DROSHA: variants seen among roughly 807,000 people sequenced by gnomAD.
DROSHA encodes the protein ribonuclease 3.
DROSHA carries 56 observed loss-of-function variants against 181.9 expected under a neutral mutation model. The observed-to-expected ratio is 0.31, with a 90% CI of 0.25 to 0.38. The LOEUF (loss-of-function observed/expected upper bound fraction) is 0.38. DROSHA is among the 10% of genes least tolerant of loss of function. DROSHA has a pLI of 1.00. For missense variants in DROSHA, 1,218 were observed against 1,743.5 expected (o/e 0.70, Z 5.37); for synonymous variants, 524 against 591.2 (o/e 0.89, Z 1.65).
At chr5:31,495,238 C>T in intron 12 of DROSHA, 48 bp downstream of exon 12, 3 of 1,556,454 alleles carry the variant, frequency 1.9e-6, no homozygotes, top group Non-Finnish European at 2.6e-6. Flanking sequence ...TCACATTTTA[C>T]TCTATTTACA....
chr5:31,472,093 G>C lies in DROSHA; in HGVS notation c.2211C>G (p.Cys737Trp). The change falls in exon 17 of 36, where the codon TGC (cysteine) becomes TGG (tryptophan). Residue 737 changes from cysteine (C) to tryptophan (W), a missense_variant. Physicochemically the swap from Cys to Trp is radical, Grantham distance 215. This residue lies in a region of DROSHA where 460 missense variants were observed against 774.2 expected (regional missense o/e 0.59). Transcript: ENST00000344624. The part of the protein sequence containing the change: ...ELEWQKYAEE[C>W]KGMIVTNPGT... The stretch of plus-strand genomic sequence containing the variant: ...CAGGGTTGGTAACAATCATGCCTTT[G>C]CATTCTTCTGCATATTTCTGCCACT... The C allele has an allele frequency of 6.2e-7, 1 of 1,613,842 alleles. No individual in the cohort carries two copies. Among genetic ancestry groups the C allele is most frequent in the Non-Finnish European group, 8.5e-7 (1 of 1,179,822 alleles).
At chr5:31,424,247 A>C (rs1463389064) in intron 28 of DROSHA, among the ~76,000 whole-genome samples, 180 bp downstream of exon 28, 1 of 152,088 alleles carries the variant, frequency 6.6e-6, no homozygotes, top group Non-Finnish European at 1.5e-5. Flanking sequence ...ACATAAACAC[A>C]ATGCATGGGT....
At chr5:31,407,987 A>G (rs1404667540) in intron 33 of DROSHA, among the ~76,000 whole-genome samples, 2 of 152,190 alleles carry the variant, frequency 1.3e-5, no homozygotes, top group Non-Finnish European at 2.9e-5. Flanking sequence ...CCCCCAATAA[A>G]TAAAGGAAAT....
At chr5:31,484,278 G>A (rs927444091) in intron 15 of DROSHA, among the ~76,000 whole-genome samples, 3 of 150,644 alleles carry the variant, frequency 2.0e-5, no homozygotes, top group Admixed American at 2.0e-4. Flanking sequence ...GGAGGCTGAG[G>A]CAGGAGAATG....
At chr5:31,499,006 G>C (rs544121934) in intron 11 of DROSHA, among the ~76,000 whole-genome samples, 1 of 152,308 alleles carries the variant, frequency 6.6e-6, no homozygotes, top group African/African-American at 2.4e-5. Context: ...TTGCTGCCTG[G>C]CTGTGGAGGG....
chr5:31,473,421 A>T (rs1749978066), intron 16 of DROSHA, among the ~76,000 whole-genome samples: 1 of 152,224 alleles, frequency 6.6e-6, no homozygotes, highest in Admixed American at 6.5e-5. Context: ...TTCTACAGCC[A>T]ATATATATGT....
chr5:31,449,140 A>AC, intron 22 of DROSHA, 141 bp downstream of exon 22: 3 of 1,236,334 alleles, frequency 2.4e-6, no homozygotes, highest in Non-Finnish European at 3.3e-6. Flanking sequence ...GTCTCAAAAA[A>AC]AAAAAAAAAG....
In DROSHA at chr5:31,451,553, G is replaced by T. The variant is rs1397112478; in HGVS notation, c.2662C>A (p.Gln888Lys). ...CTTACCTGCAACAGACAACGATCTT[G>T]GAAAGTATATCCTATCAACTTGTCC... is the stretch of plus-strand genomic sequence containing the variant. ...HLDKLIGYTF[Q>K]DRCLLQLAMT... Residue 888 changes from glutamine (Q) to lysine (K), a missense_variant, in exon 21 of 36, where the codon CAA (glutamine) becomes AAA (lysine). Around this residue, in one of 8 missense-constraint regions of DROSHA, gnomAD observed 460 missense variants for 774.2 expected, o/e 0.59. Coordinates refer to ENST00000344624, the MANE Select transcript of DROSHA (RefSeq NM_001382508.1). The T allele has an allele frequency of 6.2e-7, 1 of 1,611,426 alleles. No individual in the cohort carries two copies. The highest frequency in any genetic ancestry group is 8.5e-7 in the Non-Finnish European group (1 of 1,178,858).
At position 31,479,846 on chromosome 5, in the gene DROSHA, A is replaced by G. The variant is rs533311664; in HGVS notation, c.2071+3708T>C. 2.6e-5 allele frequency among the ~76,000 whole-genome samples: 4 copies of G among 152,128 alleles called. No homozygotes were observed. The East Asian group carries it at 7.7e-4, about 29-fold the overall frequency. The stretch of plus-strand genomic sequence containing the variant: ...ATATATACATATTTTTCTGTTACAT[A>G]TATACCATACCAGGTGGAATTCTGG... On this transcript the variant is annotated intron_variant, in intron 16 of 35. Transcript: ENST00000344624.
chr5:31,498,295 A>G (rs1417766370), intron 11 of DROSHA, among the ~76,000 whole-genome samples: 1 of 152,208 alleles, frequency 6.6e-6, no homozygotes, highest in Non-Finnish European at 1.5e-5. Context: ...GAGGGGGTTC[A>G]GACTACAAGA....
chr5:31,413,048 C>T (rs756588996), intron 30 of DROSHA, among the ~76,000 whole-genome samples: 3 of 152,160 alleles, frequency 2.0e-5, no homozygotes, highest in Non-Finnish European at 4.4e-5. Context: ...GCCCAACGCA[C>T]ACATGAGCAC....
intron 11 of DROSHA, among the ~76,000 whole-genome samples, chr5:31,501,887 C>T (rs1222371125): frequency 6.6e-6 from 1 of 152,172 alleles, no homozygotes; most frequent in Non-Finnish European, 1.5e-5. Flanking sequence ...TCCATTACAC[C>T]TCTGACATTA....
rs566540672 is a variant in DROSHA at position 31,499,617 on chromosome 5, G to A, written c.1669-4245C>T. 9.8e-5 allele frequency among the ~76,000 whole-genome samples: 15 copies of A among 152,322 alleles called. No individual in the cohort carries two copies. The South Asian group carries it at 3.1e-3, about 32-fold the overall frequency. On this transcript the variant is annotated intron_variant, in intron 11 of 35. Coordinates refer to ENST00000344624, the MANE Select transcript of DROSHA (RefSeq NM_001382508.1). ...GGCTATGATCCTTCAGGGATGGATG[G>A]CTGTCGCTAAGCACCAGTGATGCTC...
At chr5:31,500,932 AG>A (rs372501472) in intron 11 of DROSHA, among the ~76,000 whole-genome samples, 110 of 152,376 alleles carry the variant, frequency 7.2e-4, no homozygotes, top group African/African-American at 2.5e-3. Flanking sequence ...TAAGAAACCA[AG>A]AATGGATAAC....
At chr5:31,477,393 C>T (rs1750512937) in intron 16 of DROSHA, among the ~76,000 whole-genome samples, 1 of 152,192 alleles carries the variant, frequency 6.6e-6, no homozygotes, top group Non-Finnish European at 1.5e-5. Context: ...GTTTCTGTGT[C>T]TTCTGGATAT....
intron 24 of DROSHA, among the ~76,000 whole-genome samples, chr5:31,436,322 C>T (rs549541673): frequency 2.6e-5 from 4 of 151,606 alleles, no homozygotes; most frequent in Admixed American, 1.3e-4. Flanking sequence ...CCAAGAGAAG[C>T]ATGTATTGTC....
At chr5:31,523,444 T>C (rs1461097978) in intron 5 of DROSHA, among the ~76,000 whole-genome samples, 1 of 152,160 alleles carries the variant, frequency 6.6e-6, no homozygotes, top group African/African-American at 2.4e-5. Flanking sequence ...AACAAATACA[T>C]AACTCCAAGT....
intron 23 of DROSHA, among the ~76,000 whole-genome samples, chr5:31,437,928 G>A (rs1430834612): frequency 1.3e-5 from 2 of 152,110 alleles, no homozygotes; most frequent in Non-Finnish European, 2.9e-5. Flanking sequence ...CATACAATGA[G>A]CCACACTGAA....
chr5:31,408,953 C>T (rs558906727), intron 33 of DROSHA, 103 bp downstream of exon 33: 2 of 1,070,320 alleles, frequency 1.9e-6, no homozygotes, highest in Admixed American at 2.6e-5. Context: ...ATCCTGGGCT[C>T]CTGTCATGAT....
Sources: gnomAD v4.1 joint callset for allele counts (sites outside exome capture counted in the v4.1 genomes callset) on GRCh38, gnomAD v4.1.1 for gene constraint, gnomAD v4.1.1 regional missense constraint, MANE v1.5 for transcripts, NCBI Gene and HGNC (gene_info 2026-07-23, HGNC 2026-07-21) for gene names.